LHFPL4: variants seen among roughly 807,000 people sequenced by gnomAD.
LHFPL4 encodes the protein LHFPL tetraspan subfamily member 4 protein.
Under a neutral mutation model 20.0 loss-of-function variants are expected in LHFPL4, and 6 were observed. The ratio of observed to expected loss-of-function variants is 0.30; its 90% CI spans 0.16 to 0.59. The LOEUF (loss-of-function observed/expected upper bound fraction) is 0.59. Ranked by LOEUF, LHFPL4 falls within the 20% of genes least tolerant of loss-of-function variation. The pLI, the probability that LHFPL4 is intolerant of heterozygous loss-of-function variation, is 0.88. For synonymous variants in LHFPL4, 129 were observed against 143.8 expected (o/e 0.90, Z 0.74); for missense variants, 215 against 331.2 (o/e 0.65, Z 2.72).
Position 9,500,802 on chromosome 3 carries a change from T to G in LHFPL4, c.*1409A>C, listed in dbSNP as rs2046166397. 1 of 152,202 alleles carries G rather than the reference T, an allele frequency of 6.6e-6. No individual in the cohort carries two copies. The highest frequency in any genetic ancestry group is 1.5e-5 in the Non-Finnish European group (1 of 68,108). The allele number at this position is 152,202 out of a possible 1,614,324, so 9.4% of individuals were successfully genotyped here. ...GGGCAGGGAGGCTCCCCGGGAGAGA[T>G]GGCTCTGCCGCCAGACCCACAGGGG... On this transcript the variant is annotated 3_prime_UTR_variant, in exon 4 of 4. Transcript: ENST00000287585.
intron 2 of LHFPL4, among the ~76,000 whole-genome samples, chr3:9,544,492 G>T (rs905694503): frequency 6.6e-6 from 1 of 151,954 alleles, no homozygotes. Flanking sequence ...AGGCATGGTG[G>T]TGGGCACCTG....
At chr3:9,547,047 G>A (rs770331364) in intron 2 of LHFPL4, among the ~76,000 whole-genome samples, 18 of 152,088 alleles carry the variant, frequency 1.2e-4, no homozygotes, top group Admixed American at 5.2e-4. Flanking sequence ...AGAGTGCAGC[G>A]GCATGATCAT....
rs1450466760 is a variant in LHFPL4, at chr3:9,553,736, C to T, written c.-220G>A. ...CGGGACTGGCACGGCCTAGGCGCCG[C>T]GGCTCGGCGCTCCCAGCAGCGGCTG... On this transcript the variant is annotated 5_prime_UTR_variant, in exon 1 of 4. Coordinates refer to ENST00000287585, the MANE Select transcript of LHFPL4 (RefSeq NM_198560.3). 2 of 150,816 alleles carry T rather than the reference C, an allele frequency of 1.3e-5. No homozygotes were observed. Among genetic ancestry groups the T allele is most frequent in the African/African-American group, 2.4e-5 (1 of 41,262 alleles). 9.3% of individuals were successfully genotyped at this position (150,816 alleles called of 1,614,324 possible).
chr3:9,508,875 C>G (rs541136802), intron 2 of LHFPL4, among the ~76,000 whole-genome samples: 1 of 152,344 alleles, frequency 6.6e-6, no homozygotes, highest in African/African-American at 2.4e-5. Flanking sequence ...TTCCCGGACT[C>G]TAAATCTCCA....
At chr3:9,511,406 GA>G (rs1262590895) in intron 2 of LHFPL4, among the ~76,000 whole-genome samples, 1 of 151,910 alleles carries the variant, frequency 6.6e-6, no homozygotes, top group Admixed American at 6.6e-5. Context: ...TTATACGAAT[GA>G]GGAAACTGAG....
At chr3:9,545,206 AAAAG>A (rs1410765367) in intron 2 of LHFPL4, among the ~76,000 whole-genome samples, 3 of 152,088 alleles carry the variant, frequency 2.0e-5, no homozygotes, top group Non-Finnish European at 2.9e-5. Context: ...AAAGTACTAA[AAAAG>A]AGAGAGGAAG....
intron 2 of LHFPL4, among the ~76,000 whole-genome samples, chr3:9,535,060 A>T (rs2046436705): frequency 6.6e-6 from 1 of 152,178 alleles, no homozygotes; most frequent in Admixed American, 6.5e-5. Context: ...CGATACAGGA[A>T]TATAGCTCTT....
intron 2 of LHFPL4, among the ~76,000 whole-genome samples, chr3:9,536,977 T>C (rs956354160): frequency 2.7e-5 from 4 of 150,908 alleles, no homozygotes; most frequent in Non-Finnish European, 5.9e-5. Context: ...TCCCAGCTAC[T>C]CAGGAGGCTG....
chr3:9,519,679 CT>C (rs1185777276), intron 2 of LHFPL4, among the ~76,000 whole-genome samples: 2 of 152,076 alleles, frequency 1.3e-5, no homozygotes, highest in East Asian at 3.9e-4. Context: ...CCACCTCATC[CT>C]CCTGAGCAGC....
intron 3 of LHFPL4, among the ~76,000 whole-genome samples, chr3:9,502,589 G>A (rs544501672): frequency 3.2e-4 from 49 of 152,156 alleles, no homozygotes; most frequent in African/African-American, 1.2e-3. Context: ...TGTAATTCCA[G>A]CTACTTGGGA....
intron 3 of LHFPL4, among the ~76,000 whole-genome samples, chr3:9,504,894 C>G (rs1003301321): frequency 6.6e-6 from 1 of 150,808 alleles, no homozygotes; most frequent in Non-Finnish European, 1.5e-5. Context: ...TGCTTACTTT[C>G]GAGCTCAATA....
At position 9,529,777 on chromosome 3, in the gene LHFPL4, C is replaced by T. The variant is rs1448235989; in HGVS notation, c.406+22497G>A. On this transcript the variant is annotated intron_variant, in intron 2 of 3. Transcript: ENST00000287585. ...GGCTCCTGACAGCTGGGATTACAGG[C>T]GCCTGCCACCACACCTGGCTAATTT... 4.0e-5 allele frequency among the ~76,000 whole-genome samples: 6 copies of T among 151,818 alleles called. No homozygotes were observed. In the East Asian group the frequency reaches 5.8e-4, roughly 15 times the overall value.
At chr3:9,525,905 G>C (rs991960307) in intron 2 of LHFPL4, among the ~76,000 whole-genome samples, 1 of 152,106 alleles carries the variant, frequency 6.6e-6, no homozygotes, top group Non-Finnish European at 1.5e-5. Context: ...TAGCCTTCCT[G>C]GGGCCTGAGT....
At chr3:9,510,871 G>A (rs1487131657) in intron 2 of LHFPL4, among the ~76,000 whole-genome samples, 4 of 151,740 alleles carry the variant, frequency 2.6e-5, no homozygotes, top group Admixed American at 1.3e-4. Flanking sequence ...CCAGGAGGCG[G>A]AGGTTGCAGT....
chr3:9,538,071 AC>A (rs1351641247), intron 2 of LHFPL4, among the ~76,000 whole-genome samples: 2 of 152,102 alleles, frequency 1.3e-5, no homozygotes, highest in African/African-American at 4.8e-5. Context: ...AGTCATTGTA[AC>A]AACTGCCTTG....
intron 2 of LHFPL4, among the ~76,000 whole-genome samples, chr3:9,509,206 C>T (rs557149885): frequency 6.6e-6 from 1 of 151,324 alleles, no homozygotes; most frequent in South Asian, 2.1e-4. Context: ...TGTCTCCATT[C>T]CTTTCTCTTC....
chr3:9,516,160 A>C (rs2046299674), intron 2 of LHFPL4, among the ~76,000 whole-genome samples: 2 of 152,216 alleles, frequency 1.3e-5, no homozygotes, highest in Admixed American at 6.5e-5. Flanking sequence ...CTAAAAAGTC[A>C]TTGCCAAACC....
rs764838393 is a variant in LHFPL4 at position 9,552,264 on chromosome 3, C to G, written c.406+10G>C. ...CTTGTTCTGGGAGTTCCGTCCACCC[C>G]CTCCCCTACCTGCCAAGAGCTGCAT... On this transcript the variant is annotated intron_variant, in intron 2 of 3. Transcript: ENST00000287585. 2.8e-5 allele frequency: 45 copies of G among 1,582,316 alleles called. No homozygotes were observed. The Admixed American group carries it at 5.8e-4, about 20-fold the overall frequency.
intron 2 of LHFPL4, among the ~76,000 whole-genome samples, chr3:9,524,106 T>C (rs1301743888): frequency 2.0e-5 from 3 of 152,102 alleles, no homozygotes; most frequent in African/African-American, 7.2e-5. Context: ...TGTTGTTTTT[T>C]GTTGGTTTGT....
Sources: allele counts gnomAD v4.1 joint callset (sites outside exome capture counted in the v4.1 genomes callset), GRCh38; gene constraint gnomAD v4.1.1; transcripts MANE v1.5; gene names NCBI Gene and HGNC (gene_info 2026-07-23, HGNC 2026-07-21).